Variants in CFAP58 observed in about 807,000 individuals in gnomAD.
CFAP58 encodes cilia and flagella associated protein 58.
Under a neutral mutation model 119.5 loss-of-function variants are expected in CFAP58, and 88 were observed. The observed-to-expected ratio is 0.74, with a 90% CI of 0.62 to 0.88. The LOEUF is 0.88. CFAP58 is among the 40% of genes least tolerant of loss of function. The pLI is 0.00. For synonymous variants in CFAP58, 365 were observed against 366.3 expected (o/e 1.00, Z 0.04); for missense variants, 990 against 1,021.2 (o/e 0.97, Z 0.42).
chr10:104,371,935 A>G (rs964783658), intron 7 of CFAP58, among the ~76,000 whole-genome samples: 5 of 152,206 alleles, frequency 3.3e-5, no homozygotes, highest in East Asian at 1.9e-4. Context: ...TAAGTTGTCA[A>G]TCACTGAATG....
chr10:104,419,289 G>C (rs1361259786), intron 15 of CFAP58, among the ~76,000 whole-genome samples: 1 of 152,102 alleles, frequency 6.6e-6, no homozygotes, highest in Non-Finnish European at 1.5e-5. Flanking sequence ...AAGACAGCCT[G>C]AGTATGAACA....
chr10:104,373,062 A>C (rs1379915311), intron 7 of CFAP58, among the ~76,000 whole-genome samples: 1 of 152,220 alleles, frequency 6.6e-6, no homozygotes, highest in African/African-American at 2.4e-5. Context: ...AAATATGTAG[A>C]TATCAATAGC....
intron 14 of CFAP58, among the ~76,000 whole-genome samples, chr10:104,404,999 T>G (rs1286506060): frequency 6.6e-6 from 1 of 152,230 alleles, no homozygotes; most frequent in Non-Finnish European, 1.5e-5. Context: ...CCTTTATTTT[T>G]GTTTTTACTT....
intron 1 of CFAP58, among the ~76,000 whole-genome samples, chr10:104,356,477 A>G (rs1349935022): frequency 3.3e-5 from 5 of 152,352 alleles, no homozygotes; most frequent in African/African-American, 1.2e-4. Flanking sequence ...AGAGTAGAAT[A>G]TTAAAACATA....
At chr10:104,438,372 T>G (rs1382044036) in intron 15 of CFAP58, among the ~76,000 whole-genome samples, 2 of 124,446 alleles carry the variant, frequency 1.6e-5, no homozygotes, top group African/African-American at 8.5e-5. Flanking sequence ...TTTTTTTTTT[T>G]TGTTTTTTTT....
intron 7 of CFAP58, among the ~76,000 whole-genome samples, chr10:104,375,052 T>G (rs950178067): frequency 6.6e-6 from 1 of 151,606 alleles, no homozygotes; most frequent in Admixed American, 6.6e-5. Context: ...TACAATAAGC[T>G]TCTGTTTTGG....
Position 104,362,138 on chromosome 10 carries a change from A to T in CFAP58, c.407A>T (p.Gln136Leu). The T allele has an allele frequency of 2.5e-6, 4 of 1,614,082 alleles. No individual in the cohort carries two copies. The highest frequency in any genetic ancestry group is 3.4e-6 in the Non-Finnish European group (4 of 1,179,974). ...GTGAACCTGACCAAACTAGTGGAGC[A>T]GGGGTCTGGACTGTCAATGGACCAG... ...EIVNLTKLVE[Q>L]GSGLSMDQHS... Residue 136 changes from glutamine (Q) to leucine (L), a missense_variant, in exon 3 of 18, where the codon CAG becomes CTG. Coordinates refer to ENST00000369704, the MANE Select transcript of CFAP58 (RefSeq NM_001008723.2).
chr10:104,351,309 T>A (rs1455970051), upstream of CFAP58, among the ~76,000 whole-genome samples: 1 of 152,228 alleles, frequency 6.6e-6, no homozygotes, highest in Non-Finnish European at 1.5e-5. Context: ...AGTTGCCAGT[T>A]TTCCTTGCAT....
intron 15 of CFAP58, among the ~76,000 whole-genome samples, chr10:104,417,027 C>A (rs913103523): frequency 5.9e-5 from 9 of 152,252 alleles, no homozygotes; most frequent in Non-Finnish European, 1.2e-4. Context: ...TTTAGAAATG[C>A]AGGATCCCTG....
intron 15 of CFAP58, among the ~76,000 whole-genome samples, chr10:104,440,097 C>T (rs2013012923): frequency 6.8e-6 from 1 of 147,980 alleles, no homozygotes; most frequent in South Asian, 2.3e-4. Flanking sequence ...GCTGGGATTA[C>T]AGGCGTGAGC....
At chr10:104,403,946 T>C in intron 14 of CFAP58, 106 bp downstream of exon 14, 1 of 609,668 alleles carries the variant, frequency 1.6e-6, no homozygotes, top group African/African-American at 1.8e-5. Context: ...TTTAATGCTA[T>C]GCAAATTGTC....
At chr10:104,342,219 A>G in the CFAP58 span, among the ~76,000 whole-genome samples, 2 of 152,180 alleles carry the variant, frequency 1.3e-5, no homozygotes, top group Non-Finnish European at 2.9e-5. Context: ...ACTATTTCCC[A>G]TAGTATGATG....
the CFAP58 span, among the ~76,000 whole-genome samples, chr10:104,343,035 G>A: frequency 6.6e-6 from 1 of 152,074 alleles, no homozygotes; most frequent in African/African-American, 2.4e-5. Flanking sequence ...CAATGGGAGA[G>A]ACAGGAAGCC....
intron 15 of CFAP58, among the ~76,000 whole-genome samples, chr10:104,412,534 T>A (rs1283099229): frequency 6.6e-6 from 1 of 152,194 alleles, no homozygotes; most frequent in Non-Finnish European, 1.5e-5. Flanking sequence ...CCATAGGATT[T>A]GACAGTTTCT....
chr10:104,413,687 C>T (rs180685047), intron 15 of CFAP58, among the ~76,000 whole-genome samples: 14 of 151,220 alleles, frequency 9.3e-5, no homozygotes, highest in East Asian at 7.8e-4. Flanking sequence ...TAACTGCTAT[C>T]CATTACCTGG....
chr10:104,421,630 G>A (rs140878718), intron 15 of CFAP58, among the ~76,000 whole-genome samples: 171 of 152,242 alleles, frequency 1.1e-3, no homozygotes, highest in Non-Finnish European at 1.8e-3. Context: ...CTTACACAAG[G>A]TGGTATCCAT....
At chr10:104,426,329 G>A (rs928573133) in intron 15 of CFAP58, among the ~76,000 whole-genome samples, 3 of 152,062 alleles carry the variant, frequency 2.0e-5, no homozygotes, top group South Asian at 2.1e-4. Flanking sequence ...GGTGGCTTTC[G>A]GTCTTTCCTC....
At chr10:104,372,080 C>T (rs1043439418) in intron 7 of CFAP58, among the ~76,000 whole-genome samples, 3 of 152,136 alleles carry the variant, frequency 2.0e-5, no homozygotes, top group African/African-American at 4.8e-5. Flanking sequence ...AGGCAAAGCA[C>T]GGTGTCTCAT....
the CFAP58 span, among the ~76,000 whole-genome samples, chr10:104,342,462 CAT>C: frequency 2.6e-5 from 4 of 151,894 alleles, no homozygotes; most frequent in African/African-American, 7.3e-5. Context: ...TATGTGTATA[CAT>C]GTGTGTGTGA....
Sources: allele counts gnomAD v4.1 joint callset (sites outside exome capture counted in the v4.1 genomes callset), GRCh38; gene constraint gnomAD v4.1.1; transcripts MANE v1.5; gene names NCBI Gene and HGNC (gene_info 2026-07-23, HGNC 2026-07-21).